Variants in CCAR1 observed in about 807,000 individuals in gnomAD.
The protein encoded by CCAR1 is cell division cycle and apoptosis regulator 1.
CCAR1 carries 78 observed loss-of-function variants against 163.8 expected under a neutral mutation model. That is an observed-to-expected ratio of 0.48 (90% CI 0.40 to 0.57). The LOEUF is 0.57. CCAR1 is among the 20% of genes least tolerant of loss of function. The pLI is 0.00. For missense variants in CCAR1, 1,019 were observed against 1,365.2 expected (o/e 0.75, Z 4.00); for synonymous variants, 443 against 460.7 (o/e 0.96, Z 0.49).
intron 17 of CCAR1, among the ~76,000 whole-genome samples, chr10:68,766,795 G>A (rs2056541371): frequency 2.0e-5 from 3 of 152,210 alleles, no homozygotes; most frequent in Non-Finnish European, 2.9e-5. Context: ...AAAGTGCTGG[G>A]ATTACAGGCC....
At chr10:68,781,290 C>T (rs2056732461) in intron 19 of CCAR1, among the ~76,000 whole-genome samples, 1 of 151,938 alleles carries the variant, frequency 6.6e-6, no homozygotes, top group South Asian at 2.1e-4. Flanking sequence ...TACCTGTAAT[C>T]CCGGCACTTT....
At chr10:68,771,550 G>A in intron 18 of CCAR1, 105 bp downstream of exon 18, 1 of 1,017,300 alleles carries the variant, frequency 9.8e-7, no homozygotes. Context: ...CAAACTGAAA[G>A]ATTTTACTAT....
At position 68,788,011 on chromosome 10, in the gene CCAR1, C is replaced by T. The variant is rs150830336; in HGVS notation, c.2965C>T (p.His989Tyr). 10 of 1,612,194 alleles carry T rather than the reference C, an allele frequency of 6.2e-6. No individual in the cohort carries two copies. In the Admixed American group the frequency reaches 1.0e-4, roughly 16 times the overall value. The change falls in exon 22 of 25, where the codon CAT becomes TAT. Residue 989 changes from histidine (H) to tyrosine (Y), a missense_variant. By Grantham distance (83) the His-to-Tyr change is moderately conservative. Transcript: ENST00000265872. ...LTDTSKDEEN[H>Y]EESESLQEDM... is the part of the protein sequence containing the mutation. ...AGACACCTCAAAAGATGAAGAGAAC[C>T]ATGAAGAGTCTGAGTCATTGCAGGA...
At chr10:68,739,309 C>T (rs905364120) in intron 4 of CCAR1, among the ~76,000 whole-genome samples, 1 of 152,086 alleles carries the variant, frequency 6.6e-6, no homozygotes, top group African/African-American at 2.4e-5. Context: ...GCCACTAGGC[C>T]CGCCTAATTT....
intron 3 of CCAR1, among the ~76,000 whole-genome samples, chr10:68,737,298 A>G (rs1381232761): frequency 6.6e-6 from 1 of 152,016 alleles, no homozygotes; most frequent in Non-Finnish European, 1.5e-5. Flanking sequence ...TGAGCCCGGG[A>G]ATTTGAGACC....
intron 23 of CCAR1, among the ~76,000 whole-genome samples, chr10:68,789,408 A>G (rs2056829655): frequency 1.3e-5 from 2 of 150,356 alleles, no homozygotes. Flanking sequence ...CCTGACCAAC[A>G]TGGTGAAACC....
intron 6 of CCAR1, among the ~76,000 whole-genome samples, chr10:68,745,885 C>T (rs1458675798): frequency 1.3e-5 from 2 of 152,040 alleles, no homozygotes; most frequent in Admixed American, 1.3e-4. Flanking sequence ...TGCAAGTGAT[C>T]GTTTGATTTT....
intron 2 of CCAR1, among the ~76,000 whole-genome samples, chr10:68,732,876 G>T (rs2056059882): frequency 6.6e-6 from 1 of 152,260 alleles, no homozygotes. Context: ...AGTGAGCTAA[G>T]ATTGCACCAC....
chr10:68,730,326 A>AATATATATATAT (rs748641938), intron 2 of CCAR1, among the ~76,000 whole-genome samples: 3 of 145,052 alleles, frequency 2.1e-5, no homozygotes, highest in African/African-American at 7.6e-5. Flanking sequence ...TTTAAAAAAG[A>AATATATATATAT]ATATATATAT....
chr10:68,776,718 G>GT (rs1316276120), intron 19 of CCAR1, among the ~76,000 whole-genome samples: 1 of 152,082 alleles, frequency 6.6e-6, no homozygotes, highest in Non-Finnish European at 1.5e-5. Context: ...GCACCCAGCT[G>GT]TTTAATTTTT....
At chr10:68,758,715 C>T (rs2056431643) in intron 15 of CCAR1, among the ~76,000 whole-genome samples, 1 of 148,330 alleles carries the variant, frequency 6.7e-6, no homozygotes, top group Non-Finnish European at 1.5e-5. Context: ...CAGAGTCTTG[C>T]TTTGTTGCCC....
chr10:68,748,201 G>C (rs2056282849), intron 8 of CCAR1, among the ~76,000 whole-genome samples: 1 of 152,120 alleles, frequency 6.6e-6, no homozygotes, highest in African/African-American at 2.4e-5. Context: ...CATAGGGCCA[G>C]GCATGGTGGC....
intron 3 of CCAR1, 54 bp downstream of exon 3, chr10:68,737,102 G>GTAGC (rs2056121768): frequency 3.9e-6 from 5 of 1,278,164 alleles, no homozygotes; most frequent in Non-Finnish European, 5.6e-6. Context: ...TGAAATCTGA[G>GTAGC]TAGCTAGCAT....
At chr10:68,762,616 T>C (rs1272406008) in intron 16 of CCAR1, among the ~76,000 whole-genome samples, 2 of 152,258 alleles carry the variant, frequency 1.3e-5, no homozygotes, top group Non-Finnish European at 2.9e-5. Context: ...ATAAGCCACA[T>C]AATCAGTTTC....
chr10:68,771,483 C>T (rs1184344951), intron 18 of CCAR1, 38 bp downstream of exon 18: 2 of 1,511,228 alleles, frequency 1.3e-6, no homozygotes, highest in Admixed American at 2.1e-5. Flanking sequence ...CTTTCAGTTA[C>T]TCTTCTAGGT....
At chr10:68,785,936 TTA>T (rs1482377075) in intron 19 of CCAR1, among the ~76,000 whole-genome samples, 198 bp from the exon 20 acceptor site, 1 of 152,136 alleles carries the variant, frequency 6.6e-6, no homozygotes, top group African/African-American at 2.4e-5. Context: ...GGTTTTCTCT[TTA>T]TGTTTTTGTT....
In CCAR1 at chr10:68,750,333, T is replaced by C. The variant is rs570686764; in HGVS notation, c.1118+648T>C. 3.3e-5 allele frequency among the ~76,000 whole-genome samples: 5 copies of C among 151,884 alleles called. No individual in the cohort carries two copies. In the South Asian group the frequency reaches 1.0e-3, roughly 32 times the overall value. On this transcript the variant is annotated intron_variant, in intron 10 of 24. Coordinates refer to ENST00000265872, the MANE Select transcript of CCAR1 (RefSeq NM_018237.4). ...GCCTCCTGGGTTCAAGCTATTCTCC[T>C]GCCTCAGCCTCCCTAGTAGCTGGGA... is the stretch of plus-strand genomic sequence containing the variant.
chr10:68,723,597 C>G (rs1372305907), intron 2 of CCAR1, among the ~76,000 whole-genome samples: 1 of 151,348 alleles, frequency 6.6e-6, no homozygotes. Context: ...GCCTGTAATC[C>G]CAGCACTTTG....
chr10:68,786,758 T>C, intron 21 of CCAR1, 66 bp downstream of exon 21: 1 of 1,350,142 alleles, frequency 7.4e-7, no homozygotes, highest in Non-Finnish European at 1.0e-6. Context: ...AGTGAAAAGT[T>C]AATAGAACCT....
Sources: allele counts gnomAD v4.1 joint callset (sites outside exome capture counted in the v4.1 genomes callset), GRCh38; gene constraint gnomAD v4.1.1; transcripts MANE v1.5; gene names NCBI Gene and HGNC (gene_info 2026-07-23, HGNC 2026-07-21).